Variants in STAU1 observed in about 807,000 individuals in gnomAD.
The protein encoded by STAU1 is staufen double-stranded RNA binding protein 1, also known as double-stranded RNA-binding protein Staufen homolog 1.
In STAU1, 13 loss-of-function variants were observed where a neutral mutation model predicts 62.9. The ratio of observed to expected loss-of-function variants is 0.21; its 90% CI spans 0.13 to 0.33. STAU1 has a LOEUF of 0.33. Ranked by LOEUF, STAU1 falls within the 10% of genes least tolerant of loss-of-function variation. STAU1 has a pLI of 1.00. For synonymous variants in STAU1, 269 were observed against 265.1 expected, an observed-to-expected ratio of 1.01 and a Z score of -0.14; for missense variants, 571 against 712.1, an observed-to-expected ratio of 0.80 and a Z score of 2.25.
At chr20:49,132,909 TTCAG>T (rs551988187) in intron 6 of STAU1, among the ~76,000 whole-genome samples, 119 of 152,380 alleles carry the variant, frequency 7.8e-4, no homozygotes, top group Admixed American at 1.2e-3. Context: ...TGTTCATTTA[TTCAG>T]TAACTATTTC....
rs1306356832 is a variant in STAU1, at chr20:49,113,884, G to A, written c.*994C>T. 3 of 152,568 alleles carry A rather than the reference G, an allele frequency of 2.0e-5. No individual in the cohort carries two copies. The highest frequency in any genetic ancestry group is 2.9e-5 in the Non-Finnish European group (2 of 68,028). 9.5% of individuals were successfully genotyped at this position (152,568 alleles called of 1,614,324 possible). On this transcript the variant is annotated 3_prime_UTR_variant, in exon 14 of 14. Transcript: ENST00000371856. ...AGAGCCATATGTATAGATACACAAT[G>A]TTTTTTAATAATCTTTAAAACAGAG... is the stretch of plus-strand genomic sequence containing the variant.
chr20:49,134,733 G>A (rs2092835627), intron 6 of STAU1: 4 of 1,104,966 alleles, frequency 3.6e-6, no homozygotes, highest in Admixed American at 1.7e-5. Flanking sequence ...CTCCAAAAGT[G>A]CAATTCCAAA....
At chr20:49,183,449 A>G (rs934879873) in intron 1 of STAU1, among the ~76,000 whole-genome samples, 6 of 152,220 alleles carry the variant, frequency 3.9e-5, no homozygotes, top group Non-Finnish European at 8.8e-5. Flanking sequence ...TGAGCTCAGG[A>G]GTTCAAGACC....
At chr20:49,203,938 C>T in the STAU1 span, among the ~76,000 whole-genome samples, 5 of 152,292 alleles carry the variant, frequency 3.3e-5, no homozygotes, top group South Asian at 2.1e-4. Flanking sequence ...GCCGCCTTGG[C>T]CTCCCAAGTG....
the STAU1 span, among the ~76,000 whole-genome samples, chr20:49,213,115 C>T: frequency 6.6e-6 from 1 of 151,950 alleles, no homozygotes; most frequent in Non-Finnish European, 1.5e-5. Context: ...AGGCAATCCT[C>T]CTGCCTCAGA....
At chr20:49,203,729 C>T in the STAU1 span, among the ~76,000 whole-genome samples, 1 of 152,140 alleles carries the variant, frequency 6.6e-6, no homozygotes, top group South Asian at 2.1e-4. Flanking sequence ...CTCTGCTGCC[C>T]AGGATGGAAT....
chr20:49,131,520 A>C (rs1600662235), intron 6 of STAU1, among the ~76,000 whole-genome samples: 1 of 152,174 alleles, frequency 6.6e-6, no homozygotes, highest in African/African-American at 2.4e-5. Context: ...CAAAGTAAAA[A>C]ACAGAAAATA....
intron 6 of STAU1, among the ~76,000 whole-genome samples, chr20:49,131,745 AG>A (rs2092754190): frequency 1.3e-5 from 2 of 151,768 alleles, no homozygotes; most frequent in South Asian, 4.2e-4. Flanking sequence ...CAGGAGGCTG[AG>A]GCAGGAGAAT....
chr20:49,134,686 A>G (rs1600676388), intron 6 of STAU1: 7 of 1,084,110 alleles, frequency 6.5e-6, no homozygotes, highest in African/African-American at 6.2e-5. Context: ...GGACCTTGAT[A>G]TATTTAACTC....
the STAU1 span, among the ~76,000 whole-genome samples, chr20:49,202,219 C>CAAAAA: frequency 8.7e-5 from 7 of 80,304 alleles, no homozygotes; most frequent in East Asian, 1.1e-3. Context: ...GACTCCATCT[C>CAAAAA]AAAAAAAAAA....
chr20:49,138,116 T>C (rs920507319), intron 5 of STAU1, among the ~76,000 whole-genome samples: 1 of 151,972 alleles, frequency 6.6e-6, no homozygotes, highest in African/African-American at 2.4e-5. Flanking sequence ...ACCCCATCTT[T>C]ATAAAAAAAA....
chr20:49,209,720 G>A, the STAU1 span, among the ~76,000 whole-genome samples: 1 of 151,964 alleles, frequency 6.6e-6, no homozygotes, highest in African/African-American at 2.4e-5. Flanking sequence ...TGCAGCCTGG[G>A]CAACAAGAGC....
At chr20:49,149,251 A>AACAC (rs34854738) in intron 5 of STAU1, among the ~76,000 whole-genome samples, 38,730 of 131,648 alleles carry the variant, frequency 0.29, 5,703 homozygotes, top group African/African-American at 0.31. Flanking sequence ...ACTGTCTCAA[A>AACAC]ACACACACAC....
chr20:49,132,978 C>CT (rs2145995049), intron 6 of STAU1, among the ~76,000 whole-genome samples: 1 of 152,240 alleles, frequency 6.6e-6, no homozygotes, highest in Non-Finnish European at 1.5e-5. Context: ...AAGGAAAGAC[C>CT]TTGCTCAACA....
At chr20:49,208,968 C>T in the STAU1 span, among the ~76,000 whole-genome samples, 2 of 151,000 alleles carry the variant, frequency 1.3e-5, no homozygotes, top group Non-Finnish European at 2.9e-5. Context: ...AAGTGTCTTA[C>T]TCTGTCACCC....
chr20:49,182,516 A>G (rs768544246), intron 1 of STAU1, among the ~76,000 whole-genome samples: 1 of 152,200 alleles, frequency 6.6e-6, no homozygotes, highest in Non-Finnish European at 1.5e-5. Flanking sequence ...AAGCTTCATA[A>G]TACTGTATGG....
chr20:49,162,242 C>A (rs1057027132), intron 3 of STAU1, among the ~76,000 whole-genome samples: 1 of 152,126 alleles, frequency 6.6e-6, no homozygotes, highest in African/African-American at 2.4e-5. Context: ...AGGAGTTTTA[C>A]AAAGTCAATA....
upstream of STAU1, among the ~76,000 whole-genome samples, chr20:49,188,888 T>TA (rs3091949): frequency 0.73 from 111,424 of 151,972 alleles, 41,707 homozygotes; most frequent in African/African-American, 0.88. Context: ...TAAATAAAAT[T>TA]GAAAAATGTG....
chr20:49,123,042 A>C (rs2092503281), intron 8 of STAU1, 50 bp downstream of exon 8: 4 of 1,515,740 alleles, frequency 2.6e-6, no homozygotes, highest in East Asian at 4.7e-5. Context: ...TCAGCCCCCA[A>C]GGCTGGACGT....
Sources: gnomAD v4.1 joint callset for allele counts (sites outside exome capture counted in the v4.1 genomes callset) on GRCh38, gnomAD v4.1.1 for gene constraint, MANE v1.5 for transcripts, NCBI Gene and HGNC (gene_info 2026-07-23, HGNC 2026-07-21) for gene names.